SLC8A1: variants seen among roughly 807,000 people sequenced by gnomAD.
The protein encoded by SLC8A1 is solute carrier family 8 member A1, also known as sodium/calcium exchanger 1.
A neutral mutation model predicts 68.3 loss-of-function variants in SLC8A1; 18 were observed. The observed-to-expected ratio is 0.26, with a 90% CI of 0.18 to 0.39. The LOEUF is 0.39. SLC8A1 is among the 10% of genes least tolerant of loss of function. The probability of loss-of-function intolerance (pLI) is 1.00; values close to 1 mark genes in which losing one functional copy is unlikely to be tolerated. For missense variants in SLC8A1, 985 were observed against 1,156.7 expected (o/e 0.85, Z 2.15); for synonymous variants, 475 against 415.5 (o/e 1.14, Z -1.74).
chr2:40,440,753 A>G (rs186131710), intron 1 of SLC8A1, among the ~76,000 whole-genome samples: 188 of 152,302 alleles, frequency 1.2e-3, no homozygotes, highest in Non-Finnish European at 1.6e-3. Flanking sequence ...AAAACTCTCA[A>G]TAAACTAGGG....
At chr2:40,492,566 A>C (rs561109785) in intron 1 of SLC8A1, among the ~76,000 whole-genome samples, 253 of 150,876 alleles carry the variant, frequency 1.7e-3, no homozygotes, top group African/African-American at 5.7e-3. Flanking sequence ...CAACCTACAA[A>C]ATTGGAGAAA....
At chr2:40,499,901 C>T (rs967721088) in intron 1 of SLC8A1, among the ~76,000 whole-genome samples, 27 of 152,040 alleles carry the variant, frequency 1.8e-4, no homozygotes, top group African/African-American at 5.1e-4. Context: ...AAAATATTCT[C>T]GGGTATAAAC....
Position 40,200,237 on chromosome 2 carries a change from T to TAA in SLC8A1, c.1809-22384_1809-22383dup, listed in dbSNP as rs1239642607. On this transcript the variant is annotated intron_variant, in intron 2 of 7. Coordinates refer to ENST00000406785, the Ensembl canonical transcript of SLC8A1. Reference sequence around the variant, plus strand: ...ATATATATTTTTTTATATATATATATAAATATATATATATATATATATATA... The same window carrying TAA: ...ATATATATTTTTTTATATATATATATAAAAATATATATATATATATATATATA... Among the ~76,000 whole-genome samples the TAA allele has an allele frequency of 7.5e-4, 15 of 19,910 alleles. 1 individual carries two copies. Among genetic ancestry groups the TAA allele is most frequent in the African/African-American group, 2.8e-3 (15 of 5,390 alleles). 13.1% of individuals were successfully genotyped at this position (19,910 alleles called of 152,430 possible). A position where few individuals can be genotyped will look rare whatever the true frequency, so the allele number is the denominator to read the frequency against.
chr2:40,320,086 A>G (rs1387448208), intron 2 of SLC8A1, among the ~76,000 whole-genome samples: 5 of 152,134 alleles, frequency 3.3e-5, no homozygotes, highest in African/African-American at 9.7e-5. Context: ...TATTTGTCTC[A>G]TGTCATCATT....
chr2:40,231,412 A>G (rs1320223407), intron 2 of SLC8A1, among the ~76,000 whole-genome samples: 1 of 152,098 alleles, frequency 6.6e-6, no homozygotes, highest in Non-Finnish European at 1.5e-5. Flanking sequence ...AAATCTTCCC[A>G]TTTAATCTTT....
exon 8 of SLC8A1, chr2:40,098,183 A>G (rs1157564614): frequency 6.6e-6 from 1 of 152,068 alleles, no homozygotes; most frequent in Non-Finnish European, 1.5e-5. Flanking sequence ...AAAGTCAGTA[A>G]GATTGATATT....
chr2:40,212,162 GAGAC>G (rs1341427208), intron 2 of SLC8A1, among the ~76,000 whole-genome samples: 5 of 151,566 alleles, frequency 3.3e-5, no homozygotes, highest in Non-Finnish European at 7.4e-5. Flanking sequence ...CCCAGAGAGA[GAGAC>G]AGAGAAAGAG....
chr2:40,145,058 GTC>G (rs757191769), intron 6 of SLC8A1, among the ~76,000 whole-genome samples: 2 of 152,030 alleles, frequency 1.3e-5, no homozygotes, highest in Non-Finnish European at 2.9e-5. Flanking sequence ...TTTGACCTAT[GTC>G]TCTCATTGCC....
chr2:40,331,600 TA>T (rs553470644), intron 2 of SLC8A1, among the ~76,000 whole-genome samples: 118 of 152,226 alleles, frequency 7.8e-4, no homozygotes, highest in South Asian at 2.5e-3. Flanking sequence ...ATTTTATGTT[TA>T]TTTTTTTTTT....
intron 2 of SLC8A1, among the ~76,000 whole-genome samples, chr2:40,185,523 G>A (rs967946453): frequency 2.7e-4 from 41 of 152,150 alleles, no homozygotes; most frequent in Non-Finnish European, 1.2e-4. Context: ...ACATGTTATA[G>A]GAAAAGTCCA....
intron 2 of SLC8A1, among the ~76,000 whole-genome samples, chr2:40,234,211 T>C (rs199631631): frequency 6.6e-6 from 1 of 152,204 alleles, no homozygotes; most frequent in East Asian, 1.9e-4. Context: ...TTTCATGATA[T>C]TGATTCTTCC....
rs561280369 is a variant in SLC8A1 at position 40,386,101 on chromosome 2, T to C, written c.1808+42372A>G. Among the ~76,000 whole-genome samples the C allele has an allele frequency of 1.3e-4, 19 of 151,392 alleles. 2 individuals are homozygous for C. Among genetic ancestry groups the C allele is most frequent in the African/African-American group, 4.7e-4 (19 of 40,804 alleles). ...TAAAAGAATATCTGATAGCATGGAGTATGCTTACAATACAATCAAGATATA... is the reference window on the plus strand; with the variant it reads ...TAAAAGAATATCTGATAGCATGGAGCATGCTTACAATACAATCAAGATATA... On this transcript the variant is annotated intron_variant, in intron 2 of 7. Coordinates refer to ENST00000406785, the Ensembl canonical transcript of SLC8A1.
intron 2 of SLC8A1, among the ~76,000 whole-genome samples, chr2:40,331,548 T>C (rs1171949537): frequency 6.6e-6 from 1 of 152,104 alleles, no homozygotes; most frequent in Admixed American, 6.5e-5. Context: ...CTAAAACTCA[T>C]CAATTATTTT....
rs115622948 is a variant in SLC8A1 at position 40,401,016 on chromosome 2, C to T, written c.1808+27457G>A. ...GGAGGACATCTGTATCTTGTATTTG[C>T]ATGGTGTTTTACAGTTTAGAAAACA... On this transcript the variant is annotated intron_variant, in intron 2 of 7. Transcript: ENST00000406785. 4.4e-3 allele frequency among the ~76,000 whole-genome samples: 676 copies of T among 152,304 alleles called. 2 individuals carry two copies. Among genetic ancestry groups the T allele is most frequent in the Non-Finnish European group, 7.7e-3 (523 of 68,022 alleles).
chr2:40,415,859 TACACACACACACACACACACAC>T (rs70957173), intron 2 of SLC8A1, among the ~76,000 whole-genome samples: 74 of 113,586 alleles, frequency 6.5e-4, no homozygotes, highest in African/African-American at 1.2e-3. Flanking sequence ...ACTAAAAGTA[TACACACACACACACACACACAC>T]ACACACACAC....
intron 2 of SLC8A1, among the ~76,000 whole-genome samples, chr2:40,373,464 C>T (rs1173145610): frequency 2.0e-5 from 3 of 152,044 alleles, no homozygotes; most frequent in African/African-American, 7.2e-5. Context: ...ACCCTCTTTC[C>T]CCTTCCCCCT....
intron 4 of SLC8A1, 70 bp from the exon 7 acceptor site, chr2:40,170,419 T>A (rs990291007): frequency 1.3e-5 from 18 of 1,345,920 alleles, no homozygotes; most frequent in African/African-American, 2.9e-5. Flanking sequence ...CTTTGTGGAA[T>A]TAGTAAGCTA....
At chr2:40,459,008 C>T (rs767153) in intron 1 of SLC8A1, among the ~76,000 whole-genome samples, 3 of 152,122 alleles carry the variant, frequency 2.0e-5, no homozygotes, top group Non-Finnish European at 4.4e-5. Context: ...CATTTGTTCA[C>T]TCATTTCTTT....
chr2:40,512,177 GC>G (rs552008929), intron 1 of SLC8A1, among the ~76,000 whole-genome samples: 282 of 152,246 alleles, frequency 1.9e-3, no homozygotes, highest in African/African-American at 6.5e-3. Flanking sequence ...TCTTGTGGAG[GC>G]AGAGCTGTTA....
Sources: gnomAD v4.1 joint callset for allele counts (sites outside exome capture counted in the v4.1 genomes callset) on GRCh38, gnomAD v4.1.1 for gene constraint, MANE v1.5 for transcripts, NCBI Gene and HGNC (gene_info 2026-07-23, HGNC 2026-07-21) for gene names.